Variants in VTI1A observed in about 807,000 individuals in gnomAD.
VTI1A encodes vesicle transport through interaction with t-SNAREs 1A.
VTI1A carries 22 observed loss-of-function variants against 34.9 expected under a neutral mutation model. The ratio of observed to expected loss-of-function variants is 0.63; its 90% CI spans 0.45 to 0.90. The LOEUF is 0.90. Ranked by LOEUF, VTI1A falls within the 40% of genes least tolerant of loss-of-function variation. The pLI, the probability that VTI1A is intolerant of heterozygous loss-of-function variation, is 0.00. For synonymous variants in VTI1A, 87 were observed against 97.3 expected (o/e 0.89, Z 0.62); for missense variants, 268 against 275.6 (o/e 0.97, Z 0.20).
chr10:112,676,978 C>G (rs1848055535), intron 7 of VTI1A, among the ~76,000 whole-genome samples: 1 of 152,186 alleles, frequency 6.6e-6, no homozygotes, highest in South Asian at 2.1e-4. Flanking sequence ...GCCAGCATCT[C>G]AGTACAGCCA....
Position 112,744,513 on chromosome 10 carries a change from T to C in VTI1A, c.561-70777T>C, listed in dbSNP as rs112508885. Among the ~76,000 whole-genome samples the C allele has an allele frequency of 6.2e-3, 890 of 143,232 alleles. 4 individuals are homozygous for C. The highest frequency in any genetic ancestry group is 8.9e-3 in the Admixed American group (125 of 14,062). The allele number at this position is 143,232 out of a possible 152,430, so 94.0% of individuals were successfully genotyped here. On this transcript the variant is annotated intron_variant, in intron 7 of 7. Coordinates refer to ENST00000393077, the MANE Select transcript of VTI1A (RefSeq NM_145206.4). ...TCTGTCGCCCAGGCTGGCACAACCA[T>C]GGCTCACTGTAGCCTTGGCCTCTCA...
At chr10:112,739,831 TA>T (rs1443625550) in intron 7 of VTI1A, among the ~76,000 whole-genome samples, 1 of 152,246 alleles carries the variant, frequency 6.6e-6, no homozygotes, top group Non-Finnish European at 1.5e-5. Flanking sequence ...AAAGGAGGAT[TA>T]TCTTTCTTGT....
chr10:112,620,529 G>A (rs999453473), intron 5 of VTI1A, among the ~76,000 whole-genome samples: 5 of 152,130 alleles, frequency 3.3e-5, no homozygotes, highest in Non-Finnish European at 5.9e-5. Flanking sequence ...GGTGGCTCAC[G>A]TCTGTAATCC....
intron 5 of VTI1A, among the ~76,000 whole-genome samples, chr10:112,613,601 T>G (rs1845403223): frequency 6.6e-6 from 1 of 152,194 alleles, no homozygotes; most frequent in Non-Finnish European, 1.5e-5. Flanking sequence ...TTTAAATTGA[T>G]TAGAATGCAT....
intron 7 of VTI1A, among the ~76,000 whole-genome samples, chr10:112,689,583 G>A (rs904200240): frequency 2.6e-5 from 4 of 152,108 alleles, no homozygotes; most frequent in African/African-American, 4.8e-5. Context: ...AAACGTCACC[G>A]TTCTTCCTGA....
intron 7 of VTI1A, among the ~76,000 whole-genome samples, chr10:112,741,969 C>G (rs1245415101): frequency 6.6e-6 from 1 of 152,044 alleles, no homozygotes. Flanking sequence ...CATTTTGAAC[C>G]TATTTTAAAT....
At chr10:112,594,387 C>T (rs1053949739) in intron 5 of VTI1A, among the ~76,000 whole-genome samples, 3 of 152,134 alleles carry the variant, frequency 2.0e-5, no homozygotes, top group South Asian at 2.1e-4. Context: ...TGTTCACAGA[C>T]GACATGATTG....
intron 5 of VTI1A, among the ~76,000 whole-genome samples, chr10:112,612,255 G>C (rs1308862623): frequency 6.6e-6 from 1 of 152,072 alleles, no homozygotes; most frequent in Non-Finnish European, 1.5e-5. Context: ...GTCTAGAAAG[G>C]AAAACACGGT....
At position 112,767,083 on chromosome 10, in the gene VTI1A, G is replaced by T. The variant is rs1399889603; in HGVS notation, c.561-48207G>T. ...AGTTTTTATTCTTTAAAAGGGAAAT[G>T]ATTTCATCAGCTTCCCAATCTGTGG... On this transcript the variant is annotated intron_variant, in intron 7 of 7. Coordinates refer to ENST00000393077, the MANE Select transcript of VTI1A (RefSeq NM_145206.4). This position sits in a 1 kb window ranked among gnomAD's most constrained non-coding sequence, Gnocchi z 4.0. 2.0e-5 allele frequency among the ~76,000 whole-genome samples: 3 copies of T among 152,314 alleles called. No individual in the cohort carries two copies. The highest frequency in any genetic ancestry group is 4.8e-5 in the African/African-American group (2 of 41,564).
chr10:112,600,146 G>A (rs1296534610), intron 5 of VTI1A, among the ~76,000 whole-genome samples: 1 of 152,084 alleles, frequency 6.6e-6, no homozygotes, highest in Non-Finnish European at 1.5e-5. Flanking sequence ...TCTGAAAAAC[G>A]GAATGTTTGA....
chr10:112,766,805 T>G (rs1388647933), intron 7 of VTI1A, among the ~76,000 whole-genome samples: 1 of 152,226 alleles, frequency 6.6e-6, no homozygotes, highest in East Asian at 1.9e-4. Context: ...AGCATAGGTA[T>G]TCTAAGTATT....
chr10:112,778,156 A>G (rs1304706526), intron 7 of VTI1A, among the ~76,000 whole-genome samples: 2 of 152,196 alleles, frequency 1.3e-5, no homozygotes, highest in Non-Finnish European at 2.9e-5. Context: ...TAATAGCCTT[A>G]TGGAGCTCAC....
chr10:112,472,089 A>G (rs889009982), intron 3 of VTI1A, among the ~76,000 whole-genome samples: 3 of 152,156 alleles, frequency 2.0e-5, no homozygotes, highest in African/African-American at 2.4e-5. Context: ...ATATAGTTGC[A>G]TATTTCTTTT....
chr10:112,810,310 C>T (rs1367794523), intron 7 of VTI1A, among the ~76,000 whole-genome samples: 4 of 146,694 alleles, frequency 2.7e-5, no homozygotes, highest in Non-Finnish European at 4.4e-5. Flanking sequence ...GGCTGAGGCA[C>T]GAGAATCACT....
intron 7 of VTI1A, among the ~76,000 whole-genome samples, chr10:112,778,702 A>AAT (rs397753592): frequency 6.7e-6 from 1 of 149,010 alleles, no homozygotes; most frequent in South Asian, 2.1e-4. Context: ...CCAGGAAAAA[A>AAT]TTTTTTTTTT....
intron 5 of VTI1A, among the ~76,000 whole-genome samples, chr10:112,560,321 A>G (rs1554904630): frequency 6.6e-6 from 1 of 152,140 alleles, no homozygotes; most frequent in Non-Finnish European, 1.5e-5. Context: ...GTGTTGATGC[A>G]TTCGCATGTG....
At chr10:112,640,195 T>C (rs887156149) in intron 5 of VTI1A, among the ~76,000 whole-genome samples, 3 of 152,212 alleles carry the variant, frequency 2.0e-5, no homozygotes, top group Non-Finnish European at 4.4e-5. Flanking sequence ...TTTGTGTTTA[T>C]ATTGCAAAAA....
chr10:112,490,363 G>T (rs932455402), intron 3 of VTI1A, among the ~76,000 whole-genome samples: 1 of 152,078 alleles, frequency 6.6e-6, no homozygotes, highest in Admixed American at 6.5e-5. Context: ...TAATAAATAC[G>T]ACATTTTTCT....
At chr10:112,801,268 C>T (rs1852867677) in intron 7 of VTI1A, among the ~76,000 whole-genome samples, 1 of 152,152 alleles carries the variant, frequency 6.6e-6, no homozygotes, top group Non-Finnish European at 1.5e-5. Flanking sequence ...GACCTTTCGG[C>T]CACCTCTGGA....
Sources: allele counts gnomAD v4.1 joint callset (sites outside exome capture counted in the v4.1 genomes callset), GRCh38; gene constraint gnomAD v4.1.1; non-coding constraint Gnocchi (gnomAD v3.1); transcripts MANE v1.5; gene names NCBI Gene and HGNC (gene_info 2026-07-23, HGNC 2026-07-21).